The following ADARB2 variants were observed in gnomAD, a reference collection of about 807,000 sequenced individuals.
ADARB2 encodes adenosine deaminase RNA specific B2 (inactive), also known as inactive double-stranded RNA-specific editase B2.
ADARB2 carries 25 observed loss-of-function variants against 62.2 expected under a neutral mutation model. That is an observed-to-expected ratio of 0.40 (90% confidence interval 0.29 to 0.56). The LOEUF is 0.56. Among genes scored for constraint, ADARB2 ranks in the 20% least tolerant of loss-of-function variants. The pLI is 0.43. For missense variants in ADARB2, 1,071 were observed against 1,077.4 expected (o/e 0.99, Z 0.08); for synonymous variants, 572 against 500.8 (o/e 1.14, Z -1.90).
chr10:1,301,601 C>T (rs989609325), intron 3 of ADARB2, among the ~76,000 whole-genome samples: 1 of 151,848 alleles, frequency 6.6e-6, no homozygotes, highest in Non-Finnish European at 1.5e-5. Flanking sequence ...TCCTTCCCTC[C>T]CTCTTCAGGG....
intron 7 of ADARB2, among the ~76,000 whole-genome samples, chr10:1,201,256 C>G (rs1202458354): frequency 3.9e-5 from 6 of 152,238 alleles, no homozygotes; most frequent in African/African-American, 1.4e-4. Flanking sequence ...CTCTCCCTCT[C>G]TCCCTCTGCA....
rs377618709 is a variant in ADARB2, at chr10:1,569,238, G to A, written c.100+167813C>T. On this transcript the variant is annotated intron_variant, in intron 1 of 9. Transcript: ENST00000381312. The stretch of plus-strand genomic sequence containing the variant: ...AGAGAGACAGTGACCAAAAGAGAAG[G>A]TGGTGGCGGGGGAGAGACAGAGAGC... Among the ~76,000 whole-genome samples the A allele has an allele frequency of 3.3e-4, 50 of 151,966 alleles. No individual in the cohort carries two copies. The East Asian group carries it at 7.5e-3, about 23-fold the overall frequency.
At chr10:1,195,734 G>GGT (rs1354119603) in intron 8 of ADARB2, among the ~76,000 whole-genome samples, 2 of 152,146 alleles carry the variant, frequency 1.3e-5, no homozygotes, top group African/African-American at 4.8e-5. Context: ...TCTGAAGGGA[G>GGT]GTATGGCTCA....
At chr10:1,732,859 CGACTT>C (rs1478955505) in intron 1 of ADARB2, among the ~76,000 whole-genome samples, 1 of 152,232 alleles carries the variant, frequency 6.6e-6, no homozygotes, top group African/African-American at 2.4e-5. Context: ...TCCATCTGCT[CGACTT>C]ATTTTGTTCC....
At chr10:1,405,286 G>T (rs1178992635) in intron 1 of ADARB2, among the ~76,000 whole-genome samples, 3 of 152,194 alleles carry the variant, frequency 2.0e-5, no homozygotes, top group South Asian at 2.1e-4. Context: ...ACCACTGCTC[G>T]TGGGGTCTTC....
chr10:1,459,905 TGTGCAGCAAACCTGCCTGTGACCTGA>T (rs1167422113), intron 1 of ADARB2, among the ~76,000 whole-genome samples: 1 of 152,198 alleles, frequency 6.6e-6, no homozygotes, highest in African/African-American at 2.4e-5. Flanking sequence ...TGACATAATC[TGTGCAGCAAACCTGCCTGTGACCTGA>T]GTTTACCTGC....
At chr10:1,364,149 G>C (rs978001894) in intron 2 of ADARB2, among the ~76,000 whole-genome samples, 2 of 152,222 alleles carry the variant, frequency 1.3e-5, no homozygotes, top group African/African-American at 4.8e-5. Context: ...AGGAGCTGTC[G>C]TCTTCTGGGC....
At chr10:1,442,095 G>A (rs1830912773) in intron 1 of ADARB2, among the ~76,000 whole-genome samples, 1 of 152,130 alleles carries the variant, frequency 6.6e-6, no homozygotes, top group Non-Finnish European at 1.5e-5. Context: ...ACCCCATGGG[G>A]TATATTACGC....
chr10:1,368,525 C>T (rs1832332857), intron 2 of ADARB2, among the ~76,000 whole-genome samples: 1 of 152,170 alleles, frequency 6.6e-6, no homozygotes, highest in Non-Finnish European at 1.5e-5. Flanking sequence ...GTTTCCAGGG[C>T]CTCATGTCTG....
At chr10:1,571,954 GGCAGGTGAGTGT>G (rs1361389189) in intron 1 of ADARB2, among the ~76,000 whole-genome samples, 132 of 144,976 alleles carry the variant, frequency 9.1e-4, no homozygotes, top group African/African-American at 2.5e-3. Flanking sequence ...CAGGTGAGTA[GGCAGGTGAGTGT>G]GCAGGTGAGT....
chr10:1,183,495 C>A, intron 9 of ADARB2, 126 bp from the exon 10 acceptor site: 1 of 1,186,120 alleles, frequency 8.4e-7, no homozygotes, highest in Non-Finnish European at 1.2e-6. Flanking sequence ...CCCACTATTA[C>A]AGAGAGCAAC....
At position 1,271,027 on chromosome 10, in the gene ADARB2, G is replaced by A. The variant is rs146672392; in HGVS notation, c.1120C>T (p.Arg374Cys). 386 of 1,614,008 alleles carry A rather than the reference G, an allele frequency of 2.4e-4. No homozygotes were observed. The highest frequency in any genetic ancestry group is 3.8e-4 in the East Asian group (17 of 44,866). ...SISQLVTQKF[R>C]EVTTDLTPMH... is the part of the protein sequence containing the mutation. Reference sequence around the variant, plus strand: ...GGCGTGAGGTCCGTCGTCACCTCGCGGAACTTCTGTGTGACCAGCTGGGAT... The same window carrying A: ...GGCGTGAGGTCCGTCGTCACCTCGCAGAACTTCTGTGTGACCAGCTGGGAT... Residue 374 changes from arginine to cysteine, a missense_variant, in exon 4 of 10, where the codon CGC becomes TGC. Coordinates refer to ENST00000381312, the MANE Select transcript of ADARB2 (RefSeq NM_018702.4).
At chr10:1,702,899 G>A (rs12253984) in intron 1 of ADARB2, among the ~76,000 whole-genome samples, 4,639 of 152,282 alleles carry the variant, frequency 0.03, 239 homozygotes, top group African/African-American at 0.11. Flanking sequence ...ACAGTTATAA[G>A]CAGTAAAGAA....
In ADARB2 at chr10:1,418,135, C is replaced by G. The variant is rs539076492; in HGVS notation, c.101-38975G>C. 5.9e-5 allele frequency among the ~76,000 whole-genome samples: 9 copies of G among 152,296 alleles called. No individual in the cohort carries two copies. The East Asian group carries it at 1.7e-3, about 29-fold the overall frequency. Reference sequence around the variant, plus strand: ...GTCGGTGGAGGGACGTTTCCGTAAACCAAAGGGAGTCGCCCATCTAGGATC... The same window carrying G: ...GTCGGTGGAGGGACGTTTCCGTAAAGCAAAGGGAGTCGCCCATCTAGGATC... On this transcript the variant is annotated intron_variant, in intron 1 of 9. Coordinates refer to ENST00000381312, the MANE Select transcript of ADARB2 (RefSeq NM_018702.4).
At chr10:1,508,459 C>T (rs561398591) in intron 1 of ADARB2, among the ~76,000 whole-genome samples, 1 of 152,292 alleles carries the variant, frequency 6.6e-6, no homozygotes, top group South Asian at 2.1e-4. Flanking sequence ...CACTTGCCTA[C>T]ATTATTGTTT....
chr10:1,591,451 A>G (rs189344703), intron 1 of ADARB2, among the ~76,000 whole-genome samples: 47 of 152,328 alleles, frequency 3.1e-4, no homozygotes, highest in African/African-American at 1.1e-3. Context: ...ACCCAAAGGC[A>G]TCGAGACAGT....
chr10:1,183,286 C>A lies in ADARB2; in HGVS notation c.2127G>T (p.Val709=). ...GAAAGGCCTTGAACAGCTGCTGTTT[C>A]ACAGACTGGTAGGTGTGCGCCCCCA... ...AKLGAHTYQS[V]KQQLFKAFQK... Residue 709 remains valine (V), a synonymous_variant, in exon 10 of 10, where the codon GTG becomes GTT. Coordinates refer to ENST00000381312, the MANE Select transcript of ADARB2 (RefSeq NM_018702.4). 1 of 1,614,194 alleles carries A rather than the reference C, an allele frequency of 6.2e-7. No individual in the cohort carries two copies. Among genetic ancestry groups the A allele is most frequent in the Non-Finnish European group, 8.5e-7 (1 of 1,180,040 alleles).
intron 1 of ADARB2, among the ~76,000 whole-genome samples, chr10:1,702,017 A>C (rs1834828833): frequency 6.6e-6 from 1 of 152,268 alleles, no homozygotes; most frequent in Admixed American, 6.5e-5. Flanking sequence ...AAAGACAAAG[A>C]GAAAGAAGTG....
chr10:1,515,987 G>C (rs1287430842), intron 1 of ADARB2, among the ~76,000 whole-genome samples: 1 of 152,190 alleles, frequency 6.6e-6, no homozygotes, highest in Non-Finnish European at 1.5e-5. Context: ...GCTGGGCTTT[G>C]CCTCCATATC....
Sources: allele counts gnomAD v4.1 joint callset (sites outside exome capture counted in the v4.1 genomes callset), GRCh38; gene constraint gnomAD v4.1.1; transcripts MANE v1.5; gene names NCBI Gene and HGNC (gene_info 2026-07-23, HGNC 2026-07-21).